The following HS6ST2 variants were observed in gnomAD, a reference collection of about 807,000 sequenced individuals.
The protein encoded by HS6ST2 is heparan-sulfate 6-O-sulfotransferase 2.
A neutral mutation model predicts 33.0 loss-of-function variants in HS6ST2; 17 were observed. The ratio of observed to expected loss-of-function variants is 0.52; its 90% CI spans 0.35 to 0.77. The LOEUF (loss-of-function observed/expected upper bound fraction) is 0.77, where lower values mean the gene tolerates loss of function less well. Ranked by LOEUF, HS6ST2 falls within the 30% of genes least tolerant of loss-of-function variation. HS6ST2 has a pLI of 0.01. For synonymous variants in HS6ST2, 248 were observed against 237.1 expected (o/e 1.05, Z -0.42); for missense variants, 519 against 551.7 (o/e 0.94, Z 0.59).
At chrX:132,774,016 A>G (rs1419882559) in intron 2 of HS6ST2, among the ~76,000 whole-genome samples, 1 of 112,504 alleles carries the variant, frequency 8.9e-6, no homozygotes, top group Non-Finnish European at 1.9e-5. Context: ...AAAACTCAAT[A>G]TGAAATGGAT....
chrX:132,839,903 G>A (rs1453101442), intron 2 of HS6ST2, among the ~76,000 whole-genome samples: 1 of 110,663 alleles, frequency 9.0e-6, no homozygotes, highest in Non-Finnish European at 1.9e-5. Context: ...AATCACTTGA[G>A]GTTAGGAGTT....
rs368596351 is a variant in HS6ST2 at position 132,958,575 on chromosome X, C to G, written c.28G>C (p.Glu10Gln). The change falls in exon 1 of 5, where the codon GAG becomes CAG. Residue 10 changes from glutamate (E) to glutamine (Q), a missense_variant. By Grantham distance (29) the Glu-to-Gln change is conservative. Coordinates refer to ENST00000370833, the MANE Select transcript of HS6ST2 (RefSeq NM_001394073.1). MALPACAVR[E>Q]FEPPRQPERG... is the part of the protein sequence containing the mutation. ...TCCGGTTGCCGCGGCGGCTCGAACT[C>G]CCGGACTGCACACGCAGGCAGTGCC... 1.7e-6 allele frequency: 2 copies of G among 1,181,115 alleles called. No individual in the cohort carries two copies. The highest frequency in any genetic ancestry group is 6.2e-5 in the East Asian group (2 of 32,125).
intron 3 of HS6ST2, among the ~76,000 whole-genome samples, chrX:132,684,242 T>C (rs61504728): frequency 0.035 from 3,550 of 102,129 alleles, 138 homozygotes; most frequent in African/African-American, 0.11. Flanking sequence ...TATATATATA[T>C]ACACACACAC....
At chrX:132,776,361 A>G (rs2064958341) in intron 2 of HS6ST2, among the ~76,000 whole-genome samples, 1 of 112,082 alleles carries the variant, frequency 8.9e-6, no homozygotes, top group South Asian at 3.7e-4. Context: ...TCAAAGACAA[A>G]TCTGTGGCAT....
chrX:132,715,562 G>T (rs1208594167), intron 2 of HS6ST2, among the ~76,000 whole-genome samples: 1 of 112,304 alleles, frequency 8.9e-6, no homozygotes, highest in Non-Finnish European at 1.9e-5. Context: ...CTTTGAGAGG[G>T]CAGGGACTTG....
chrX:132,758,871 T>A (rs2064780838), intron 2 of HS6ST2, among the ~76,000 whole-genome samples: 1 of 111,770 alleles, frequency 8.9e-6, no homozygotes, highest in South Asian at 3.8e-4. Flanking sequence ...AGCTGACTCA[T>A]CAAGCCTGTC....
chrX:132,904,915 TG>T (rs1212461576), intron 2 of HS6ST2, among the ~76,000 whole-genome samples: 6 of 110,833 alleles, frequency 5.4e-5, no homozygotes, highest in African/African-American at 9.9e-5. Context: ...CTTGGTGCTT[TG>T]GACATTTTTA....
chrX:132,731,200 C>T (rs947512969), intron 2 of HS6ST2, among the ~76,000 whole-genome samples: 1 of 112,244 alleles, frequency 8.9e-6, no homozygotes, highest in African/African-American at 3.2e-5. Flanking sequence ...GAGGGGAAAA[C>T]TAGTGTATGC....
At chrX:132,678,153 A>G (rs1371464764) in intron 3 of HS6ST2, among the ~76,000 whole-genome samples, 1 of 111,810 alleles carries the variant, frequency 8.9e-6, no homozygotes, top group Non-Finnish European at 1.9e-5. Flanking sequence ...CAGGAGTCCA[A>G]GACCAGCTTG....
At chrX:132,955,954 G>A (rs933064374) in intron 2 of HS6ST2, among the ~76,000 whole-genome samples, 5 of 112,391 alleles carry the variant, frequency 4.4e-5, no homozygotes, top group African/African-American at 1.6e-4. Context: ...AATCAGGAGA[G>A]GCTCCTGGTG....
At position 132,957,346 on chromosome X, in the gene HS6ST2, G is replaced by T. The variant is rs184443190; in HGVS notation, c.429-20C>A. ...CCGACGCTGGGGGAAACCCAAGCTCGTTACGTCAATCCCGCAGCTCAGCCC... is the reference window on the plus strand; with the variant it reads ...CCGACGCTGGGGGAAACCCAAGCTCTTTACGTCAATCCCGCAGCTCAGCCC... On this transcript the variant is annotated intron_variant, in intron 1 of 4. Transcript: ENST00000370833. 29 of 1,143,713 alleles carry T rather than the reference G, an allele frequency of 2.5e-5. No individual in the cohort carries two copies. The East Asian group carries it at 8.5e-4, about 34-fold the overall frequency. The allele number at this position is 1,143,713 out of a possible 1,213,427, so 94.3% of individuals were successfully genotyped here. A position where few individuals can be genotyped will look rare whatever the true frequency, so the allele number is the denominator to read the frequency against.
intron 4 of HS6ST2, among the ~76,000 whole-genome samples, chrX:132,639,348 A>G (rs992346123): frequency 8.9e-6 from 1 of 112,171 alleles, no homozygotes; most frequent in African/African-American, 3.2e-5. Context: ...ATTGCTTGAC[A>G]TCATGAAAAA....
intron 2 of HS6ST2, among the ~76,000 whole-genome samples, chrX:132,794,574 G>GATTATTATTATTATT (rs1556445928): frequency 1.7e-4 from 17 of 99,066 alleles, no homozygotes; most frequent in Middle Eastern, 4.9e-3. Flanking sequence ...TGATGATGAT[G>GATTATTATTATTATT]ATTATTATTA....
At chrX:132,863,114 T>C (rs1451330314) in intron 2 of HS6ST2, among the ~76,000 whole-genome samples, 4 of 111,655 alleles carry the variant, frequency 3.6e-5, no homozygotes, top group Non-Finnish European at 5.6e-5. Flanking sequence ...AGAGACAATA[T>C]GCATGGAAGT....
intron 2 of HS6ST2, among the ~76,000 whole-genome samples, chrX:132,944,735 C>A (rs1438554409): frequency 9.1e-6 from 1 of 110,481 alleles, no homozygotes; most frequent in East Asian, 2.8e-4. Flanking sequence ...ACAAACCTGA[C>A]AAAAACAAGA....
intron 2 of HS6ST2, among the ~76,000 whole-genome samples, chrX:132,835,472 G>A (rs998806934): frequency 2.7e-5 from 3 of 111,623 alleles, no homozygotes; most frequent in Non-Finnish European, 5.6e-5. Flanking sequence ...AACAGTACCC[G>A]ATGATTACTT....
chrX:132,630,973 G>A (rs1409008270), intron 4 of HS6ST2, among the ~76,000 whole-genome samples: 1 of 111,408 alleles, frequency 9.0e-6, no homozygotes, highest in Non-Finnish European at 1.9e-5. Flanking sequence ...CCAAAAATGT[G>A]TGATACTGAA....
intron 2 of HS6ST2, among the ~76,000 whole-genome samples, chrX:132,774,730 G>T (rs1050278878): frequency 2.7e-5 from 3 of 110,827 alleles, no homozygotes; most frequent in East Asian, 2.8e-4. Flanking sequence ...GCCCAGGCTG[G>T]AGTGCAGTCC....
intron 3 of HS6ST2, among the ~76,000 whole-genome samples, chrX:132,706,677 C>A (rs946581744): frequency 8.9e-6 from 1 of 112,026 alleles, no homozygotes; most frequent in Non-Finnish European, 1.9e-5. Flanking sequence ...TCTATTCAGA[C>A]AACTAAAAAA....
Sources: gnomAD v4.1 joint callset for allele counts (sites outside exome capture counted in the v4.1 genomes callset) on GRCh38, gnomAD v4.1.1 for gene constraint, MANE v1.5 for transcripts, NCBI Gene and HGNC (gene_info 2026-07-23, HGNC 2026-07-21) for gene names.